Variants in SIL1 observed in about 807,000 individuals in gnomAD.
The protein encoded by SIL1 is nucleotide exchange factor SIL1.
In SIL1, 40 loss-of-function variants were observed where a neutral mutation model predicts 49.1. The observed-to-expected ratio is 0.81, with a 90% CI of 0.63 to 1.06. The LOEUF (loss-of-function observed/expected upper bound fraction) is 1.06. Ranked by LOEUF, SIL1 falls within the 50% of genes least tolerant of loss-of-function variation. SIL1 has a pLI of 0.00. For synonymous variants in SIL1, 253 were observed against 250.8 expected (o/e 1.01, Z -0.08); for missense variants, 500 against 572.6 (o/e 0.87, Z 1.29).
intron 1 of SIL1, among the ~76,000 whole-genome samples, chr5:139,144,599 G>A (rs998567547): frequency 2.6e-5 from 4 of 151,922 alleles, no homozygotes; most frequent in Middle Eastern, 3.2e-3. Context: ...GGCAGGGTGC[G>A]GTGGCTCACA....
chr5:139,096,806 G>A (rs545195913), intron 3 of SIL1, among the ~76,000 whole-genome samples: 4 of 152,086 alleles, frequency 2.6e-5, no homozygotes, highest in African/African-American at 9.6e-5. Flanking sequence ...CAGCAATGAT[G>A]CCCAGGTACC....
At chr5:139,017,710 G>A (rs1768431723) in intron 7 of SIL1, among the ~76,000 whole-genome samples, 1 of 152,038 alleles carries the variant, frequency 6.6e-6, no homozygotes, top group Non-Finnish European at 1.5e-5. Flanking sequence ...AAAAGCAGGC[G>A]GCTAGTTTGC....
At chr5:139,108,241 T>C (rs1235989145) in intron 3 of SIL1, 1 of 152,228 alleles carries the variant, frequency 6.6e-6, no homozygotes, top group Non-Finnish European at 1.5e-5. Flanking sequence ...AAGGCCATTG[T>C]TCTCCTGAGA....
In SIL1 at chr5:139,056,563, C is replaced by T. The variant is rs1313340054; in HGVS notation, c.245-5517G>A. Among the ~76,000 whole-genome samples, 26 of 130,938 alleles carry T rather than the reference C, an allele frequency of 2.0e-4. No individual in the cohort carries two copies. The South Asian group carries it at 2.7e-3, about 14-fold the overall frequency. The allele number at this position is 130,938 out of a possible 152,430, so 85.9% of individuals were successfully genotyped here. On this transcript the variant is annotated intron_variant, in intron 3 of 9. Coordinates refer to ENST00000394817, the MANE Select transcript of SIL1 (RefSeq NM_022464.5). ...GAGGGAGGTGGGGGGGTCAGCCCCC[C>T]GACCGGCCAGCCGCCCCGTCCGGGA...
rs1168235941 is a variant in SIL1, at chr5:139,127,719, T to C, written c.105+20A>G. 4 of 1,593,892 alleles carry C rather than the reference T, an allele frequency of 2.5e-6. No homozygotes were observed. Among genetic ancestry groups the C allele is most frequent in the Admixed American group, 1.7e-5 (1 of 58,156 alleles). On this transcript the variant is annotated intron_variant, in intron 2 of 9. Coordinates refer to ENST00000394817, the MANE Select transcript of SIL1 (RefSeq NM_022464.5). ...AAGACCTCATCAAGGGTCCCTCCCA[T>C]TTACAATAAAGATATTTACCAGGTT...
intron 7 of SIL1, among the ~76,000 whole-genome samples, chr5:139,016,144 T>C (rs1768393486): frequency 6.6e-6 from 1 of 152,130 alleles, no homozygotes; most frequent in South Asian, 2.1e-4. Flanking sequence ...GATTGTCTAG[T>C]AGACAACAAT....
intron 3 of SIL1, among the ~76,000 whole-genome samples, chr5:139,051,902 A>G (rs985783646): frequency 2.0e-5 from 3 of 152,248 alleles, no homozygotes; most frequent in South Asian, 2.1e-4. Flanking sequence ...TCATTCATTC[A>G]TGAAACTGCT....
intron 3 of SIL1, among the ~76,000 whole-genome samples, chr5:139,102,778 A>G (rs909720021): frequency 2.6e-4 from 39 of 150,744 alleles, no homozygotes; most frequent in African/African-American, 8.5e-4. Flanking sequence ...GCAATGGTGC[A>G]ATCTCAGCTC....
intron 3 of SIL1, among the ~76,000 whole-genome samples, chr5:139,080,068 T>TG (rs1437680509): frequency 6.6e-6 from 1 of 151,200 alleles, no homozygotes; most frequent in East Asian, 1.9e-4. Flanking sequence ...TTACTGGGGG[T>TG]GGGGGGTGGC....
intron 3 of SIL1, among the ~76,000 whole-genome samples, chr5:139,058,727 T>C (rs1769515129): frequency 6.6e-6 from 1 of 152,222 alleles, no homozygotes; most frequent in Non-Finnish European, 1.5e-5. Flanking sequence ...CATTTTCTTT[T>C]TAAAAGTATT....
chr5:139,067,699 G>A (rs923711672), intron 3 of SIL1, among the ~76,000 whole-genome samples: 1 of 152,186 alleles, frequency 6.6e-6, no homozygotes, highest in Non-Finnish European at 1.5e-5. Context: ...AAGAGCCTCT[G>A]GGCCAATAAT....
intron 4 of SIL1, among the ~76,000 whole-genome samples, chr5:139,046,213 G>A (rs984179035): frequency 1.3e-5 from 2 of 152,200 alleles, no homozygotes; most frequent in Non-Finnish European, 2.9e-5. Context: ...TGTAATCCCA[G>A]CTACTCGGGA....
At chr5:139,131,437 G>A (rs1178416919) in intron 1 of SIL1, 15 of 152,100 alleles carry the variant, frequency 9.9e-5, no homozygotes, top group Admixed American at 3.3e-4. Context: ...CTCAGGGGTC[G>A]GAAGAAACTT....
chr5:139,026,061 A>G (rs1768643142), intron 6 of SIL1, among the ~76,000 whole-genome samples: 1 of 152,058 alleles, frequency 6.6e-6, no homozygotes, highest in South Asian at 2.1e-4. Flanking sequence ...CCTAAATGTC[A>G]CATCCTCTGA....
At chr5:139,087,796 G>A (rs748490738) in intron 3 of SIL1, among the ~76,000 whole-genome samples, 16 of 152,110 alleles carry the variant, frequency 1.1e-4, no homozygotes, top group Non-Finnish European at 2.4e-4. Flanking sequence ...GGAGCAACTG[G>A]GCTTAAGAGA....
intron 1 of SIL1, among the ~76,000 whole-genome samples, chr5:139,160,557 G>A (rs1751491530): frequency 1.3e-5 from 2 of 152,228 alleles, no homozygotes; most frequent in African/African-American, 4.8e-5. Context: ...AAGGGAGCGA[G>A]GCCAGGTGTC....
intron 7 of SIL1, among the ~76,000 whole-genome samples, chr5:139,005,423 T>TTTTA (rs1197438821): frequency 1.5e-4 from 23 of 151,196 alleles, no homozygotes; most frequent in African/African-American, 3.1e-4. Context: ...TTTTTTAAAT[T>TTTTA]TTTATTTATT....
At chr5:138,996,225 C>G (rs1382338320) in intron 7 of SIL1, among the ~76,000 whole-genome samples, 4 of 152,196 alleles carry the variant, frequency 2.6e-5, no homozygotes, top group African/African-American at 7.2e-5. Flanking sequence ...GCCATTTAAA[C>G]TGGAGTGAGA....
intron 7 of SIL1, among the ~76,000 whole-genome samples, chr5:139,002,765 G>A (rs1768015244): frequency 6.6e-6 from 1 of 152,116 alleles, no homozygotes; most frequent in East Asian, 1.9e-4. Flanking sequence ...CTGATCCTAG[G>A]AGGGCTCCTT....
Sources: allele counts gnomAD v4.1 joint callset (sites outside exome capture counted in the v4.1 genomes callset), GRCh38; gene constraint gnomAD v4.1.1; transcripts MANE v1.5; gene names NCBI Gene and HGNC (gene_info 2026-07-23, HGNC 2026-07-21).